NTM: variants seen among roughly 807,000 people sequenced by gnomAD.
NTM encodes the protein neurotrimin.
NTM carries 13 observed loss-of-function variants against 42.1 expected under a neutral mutation model. That is an observed-to-expected ratio of 0.31 (90% CI 0.20 to 0.49). The LOEUF is 0.49. Ranked by LOEUF, NTM falls within the 20% of genes least tolerant of loss-of-function variation. The pLI is 0.99. For missense variants in NTM, 373 were observed against 452.8 expected, an observed-to-expected ratio of 0.82 and a Z score of 1.60; for synonymous variants, 187 against 179.2, an observed-to-expected ratio of 1.04 and a Z score of -0.35.
chr11:131,804,212 C>T (rs1017225872), intron 1 of NTM, among the ~76,000 whole-genome samples: 2 of 152,222 alleles, frequency 1.3e-5, no homozygotes, highest in Non-Finnish European at 2.9e-5. Context: ...GCCCTACACA[C>T]CTCTGCTAGA....
rs80127495 is a variant in NTM, at chr11:131,675,597, C to T, written c.83-235967C>T. Among the ~76,000 whole-genome samples the T allele has an allele frequency of 1.2e-3, 182 of 152,270 alleles. 1 individual carries two copies. The highest frequency in any genetic ancestry group is 2.1e-3 in the Non-Finnish European group (143 of 68,026). On this transcript the variant is annotated intron_variant, in intron 1 of 8. Coordinates refer to ENST00000683400, the MANE Select transcript of NTM (RefSeq NM_001352005.2). ...GACTCTGAGGCCGAGGGAGGCTGAGCGGCTTACTCGAGTTCTCGCAGCTGC... is the reference window on the plus strand; with the variant it reads ...GACTCTGAGGCCGAGGGAGGCTGAGTGGCTTACTCGAGTTCTCGCAGCTGC...
At chr11:132,289,899 G>C (rs932763329) in intron 4 of NTM, among the ~76,000 whole-genome samples, 2 of 152,198 alleles carry the variant, frequency 1.3e-5, no homozygotes, top group African/African-American at 4.8e-5. Flanking sequence ...AGACCAAAAA[G>C]AGTTTATCCA....
intron 2 of NTM, among the ~76,000 whole-genome samples, chr11:131,934,540 A>T (rs1243813969): frequency 3.9e-5 from 6 of 152,302 alleles, no homozygotes; most frequent in Non-Finnish European, 8.8e-5. Flanking sequence ...AATGAGAGAG[A>T]CATGATGTAT....
At chr11:132,072,765 A>G (rs986431361) in intron 2 of NTM, among the ~76,000 whole-genome samples, 6 of 151,964 alleles carry the variant, frequency 3.9e-5, no homozygotes, top group African/African-American at 1.2e-4. Flanking sequence ...CCCGGGAGAG[A>G]GGCACAGGGG....
intron 2 of NTM, among the ~76,000 whole-genome samples, chr11:131,991,841 G>A (rs1159673101): frequency 6.6e-6 from 1 of 152,206 alleles, no homozygotes; most frequent in Non-Finnish European, 1.5e-5. Flanking sequence ...AGGACAAGTA[G>A]TTAAGCTTGG....
chr11:132,141,120 T>C (rs1289110911), intron 2 of NTM: 2 of 152,160 alleles, frequency 1.3e-5, no homozygotes, highest in African/African-American at 4.8e-5. Context: ...TTTTCAATAA[T>C]CTATCTCCTT....
chr11:131,552,345 T>G (rs1394669386), intron 1 of NTM, among the ~76,000 whole-genome samples: 1 of 152,066 alleles, frequency 6.6e-6, no homozygotes, highest in Non-Finnish European at 1.5e-5. Context: ...ACTTAAGATA[T>G]GCATGCCATA....
chr11:131,858,135 A>G (rs2046286953), intron 1 of NTM, among the ~76,000 whole-genome samples: 1 of 152,090 alleles, frequency 6.6e-6, no homozygotes, highest in South Asian at 2.1e-4. Flanking sequence ...ATTTCTGTAC[A>G]TGCTATTGTG....
chr11:132,260,013 A>G (rs557243008), intron 4 of NTM, among the ~76,000 whole-genome samples: 6 of 152,240 alleles, frequency 3.9e-5, no homozygotes, highest in Non-Finnish European at 5.9e-5. Flanking sequence ...CAGTTGATGA[A>G]GGCATTTGCC....
At chr11:132,215,348 C>T (rs1413144164) in intron 4 of NTM, among the ~76,000 whole-genome samples, 1 of 152,208 alleles carries the variant, frequency 6.6e-6, no homozygotes, top group African/African-American at 2.4e-5. Context: ...TTGTTCTGTA[C>T]ATTTCTTAAA....
chr11:132,299,181 G>T (rs1475797403), intron 4 of NTM, among the ~76,000 whole-genome samples: 1 of 152,132 alleles, frequency 6.6e-6, no homozygotes, highest in East Asian at 1.9e-4. Flanking sequence ...TGTAGTCCCA[G>T]CTACTCAGGA....
intron 1 of NTM, among the ~76,000 whole-genome samples, chr11:131,646,836 T>G (rs2065830099): frequency 1.3e-5 from 2 of 152,204 alleles, no homozygotes; most frequent in South Asian, 2.1e-4. Context: ...CAGTGAGACA[T>G]ATTTCCCAGT....
intron 2 of NTM, among the ~76,000 whole-genome samples, chr11:132,119,175 C>T (rs1452749057): frequency 6.6e-6 from 1 of 152,206 alleles, no homozygotes; most frequent in Admixed American, 6.5e-5. Flanking sequence ...GAGGCTGTAG[C>T]TCCCCAGGGC....
intron 2 of NTM, among the ~76,000 whole-genome samples, chr11:131,916,411 G>A (rs75770659): frequency 0.019 from 2,913 of 152,318 alleles, 36 homozygotes; most frequent in Non-Finnish European, 0.03. Flanking sequence ...GAGGCTGAAC[G>A]CTGCATTCCA....
intron 1 of NTM, among the ~76,000 whole-genome samples, chr11:131,566,592 C>T (rs2056913818): frequency 6.6e-6 from 1 of 152,182 alleles, no homozygotes; most frequent in Non-Finnish European, 1.5e-5. Flanking sequence ...TTAATTGAGC[C>T]ACCCGTGCCA....
intron 1 of NTM, among the ~76,000 whole-genome samples, chr11:131,548,002 A>G (rs2054169162): frequency 6.6e-6 from 1 of 152,200 alleles, no homozygotes. Flanking sequence ...TTGCAAGGAG[A>G]CAGAGGAGCT....
intron 1 of NTM, among the ~76,000 whole-genome samples, chr11:131,544,831 G>A (rs1040087955): frequency 7.9e-5 from 12 of 152,306 alleles, no homozygotes; most frequent in African/African-American, 2.9e-4. Flanking sequence ...CCCTCCAGGC[G>A]AATCTCTGGT....
intron 2 of NTM, among the ~76,000 whole-genome samples, chr11:132,095,037 T>A (rs968217745): frequency 6.6e-6 from 1 of 152,210 alleles, no homozygotes; most frequent in Non-Finnish European, 1.5e-5. Context: ...ACATTCCTCA[T>A]GTGAGCCAGA....
At chr11:131,787,141 C>T (rs1034441372) in intron 1 of NTM, among the ~76,000 whole-genome samples, 3 of 151,860 alleles carry the variant, frequency 2.0e-5, no homozygotes, top group African/African-American at 7.2e-5. Context: ...AGTTCTCAAC[C>T]CATTCTAACT....
Sources: gnomAD v4.1 joint callset for allele counts (sites outside exome capture counted in the v4.1 genomes callset) on GRCh38, gnomAD v4.1.1 for gene constraint, MANE v1.5 for transcripts, NCBI Gene and HGNC (gene_info 2026-07-23, HGNC 2026-07-21) for gene names.